The following MYO18B variants were observed in gnomAD, a reference collection of about 807,000 sequenced individuals.
The protein encoded by MYO18B is unconventional myosin-XVIIIb.
MYO18B carries 204 observed loss-of-function variants against 273.0 expected under a neutral mutation model. The ratio of observed to expected loss-of-function variants is 0.75; its 90% CI spans 0.67 to 0.84. MYO18B has a LOEUF of 0.84. MYO18B is among the 40% of genes least tolerant of loss of function. The probability of loss-of-function intolerance (pLI) is 0.00; values close to 1 mark genes in which losing one functional copy is unlikely to be tolerated. For missense variants in MYO18B, 3,212 were observed against 3,287.6 expected, an observed-to-expected ratio of 0.98 and a Z score of 0.56; for synonymous variants, 1,330 against 1,305.7, an observed-to-expected ratio of 1.02 and a Z score of -0.40.
intron 35 of MYO18B, among the ~76,000 whole-genome samples, chr22:25,947,506 A>G (rs2092727074): frequency 7.3e-6 from 1 of 136,214 alleles, no homozygotes; most frequent in Non-Finnish European, 1.6e-5. Context: ...ACACACACAC[A>G]CACACACACA....
chr22:26,033,059 G>A (rs1039887230), downstream of MYO18B, among the ~76,000 whole-genome samples: 2 of 152,102 alleles, frequency 1.3e-5, no homozygotes, highest in Non-Finnish European at 2.9e-5. Flanking sequence ...CTCCCAGCTT[G>A]GTCCACAAAC....
intron 19 of MYO18B, 84 bp from the exon 20 acceptor site, chr22:25,847,346 C>T: frequency 7.8e-7 from 1 of 1,282,574 alleles, no homozygotes; most frequent in Non-Finnish European, 1.1e-6. Flanking sequence ...TCAGGTTGGG[C>T]TTAATGAATA....
chr22:26,033,913 CTTCTTTCCTTTCT>C (rs572410041), downstream of MYO18B, among the ~76,000 whole-genome samples: 2 of 144,024 alleles, frequency 1.4e-5, no homozygotes, highest in Non-Finnish European at 3.0e-5. Flanking sequence ...CCCTTCCTTC[CTTCTTTCCTTTCT>C]TTCTTTCCTT....
chr22:25,746,830 A>T (rs1249901913), intron 1 of MYO18B, among the ~76,000 whole-genome samples: 1 of 152,240 alleles, frequency 6.6e-6, no homozygotes, highest in African/African-American at 2.4e-5. Flanking sequence ...ATAGAAAATT[A>T]GCCCTTTGAG....
At chr22:25,949,136 T>G (rs2092762625) in intron 36 of MYO18B, among the ~76,000 whole-genome samples, 1 of 152,128 alleles carries the variant, frequency 6.6e-6, no homozygotes, top group African/African-American at 2.4e-5. Context: ...GGCAAGCTTT[T>G]CAGGGGCAAG....
chr22:25,906,181 T>A (rs1323183997), intron 31 of MYO18B, among the ~76,000 whole-genome samples: 1 of 152,200 alleles, frequency 6.6e-6, no homozygotes, highest in Non-Finnish European at 1.5e-5. Context: ...GGATATTTAT[T>A]GATTATAATA....
chr22:25,823,463 C>T, intron 12 of MYO18B, 42 bp from the exon 13 acceptor site: 1 of 1,598,992 alleles, frequency 6.3e-7, no homozygotes, highest in Non-Finnish European at 8.5e-7. Flanking sequence ...CACCCCATGC[C>T]CAAGGCCTCA....
chr22:25,955,384 T>C lies in MYO18B; in HGVS notation c.6156+20T>C, dbSNP rs2092838244. Reference sequence around the variant, plus strand: ...GAGCTGGTGAGTCCTGTCCCCATCATGGGCTCTTAGCGACTGAGGGTTTGC... The same window carrying C: ...GAGCTGGTGAGTCCTGTCCCCATCACGGGCTCTTAGCGACTGAGGGTTTGC... On this transcript the variant is annotated intron_variant, in intron 39 of 43. Coordinates refer to ENST00000335473, the MANE Select transcript of MYO18B (RefSeq NM_032608.7). 3 of 1,596,650 alleles carry C rather than the reference T, an allele frequency of 1.9e-6. No homozygotes were observed. Among genetic ancestry groups the C allele is most frequent in the Non-Finnish European group, 2.6e-6 (3 of 1,169,528 alleles).
chr22:25,868,483 C>A, intron 22 of MYO18B, 98 bp downstream of exon 22: 1 of 1,033,478 alleles, frequency 9.7e-7, no homozygotes, highest in Non-Finnish European at 1.4e-6. Context: ...TATCTCTGTA[C>A]GTCTCCTTTT....
chr22:26,015,821 T>C (rs1935280949), intron 42 of MYO18B, among the ~76,000 whole-genome samples: 1 of 152,190 alleles, frequency 6.6e-6, no homozygotes, highest in Non-Finnish European at 1.5e-5. Context: ...TCTTACTTTC[T>C]ACACCTAGGG....
intron 17 of MYO18B, among the ~76,000 whole-genome samples, chr22:25,838,426 C>G (rs1217139689): frequency 6.6e-6 from 1 of 152,166 alleles, no homozygotes; most frequent in African/African-American, 2.4e-5. Context: ...TCTGGAACTA[C>G]TGACCTCAAG....
intron 12 of MYO18B, among the ~76,000 whole-genome samples, chr22:25,801,066 C>T (rs183757194): frequency 1.3e-4 from 20 of 152,286 alleles, no homozygotes; most frequent in Non-Finnish European, 2.1e-4. Context: ...ATTTCAAAGT[C>T]GTACATAAAT....
At chr22:25,826,910 A>G (rs1409630799) in intron 14 of MYO18B, among the ~76,000 whole-genome samples, 2 of 151,986 alleles carry the variant, frequency 1.3e-5, no homozygotes, top group African/African-American at 4.8e-5. Context: ...AAATTACAAA[A>G]ATTAGCTGGG....
chr22:25,789,646 A>AAT (rs2145712178), intron 11 of MYO18B, among the ~76,000 whole-genome samples: 1 of 151,486 alleles, frequency 6.6e-6, no homozygotes, highest in African/African-American at 2.4e-5. Flanking sequence ...GAAAAAAAAA[A>AAT]TAACGAAATT....
chr22:25,760,426 A>C (rs1294023370), intron 1 of MYO18B, among the ~76,000 whole-genome samples: 7 of 149,830 alleles, frequency 4.7e-5, no homozygotes, highest in Non-Finnish European at 8.9e-5. Context: ...AAAAAAAAAA[A>C]AAAAAAAACA....
chr22:25,900,332 A>G (rs2091907615), intron 29 of MYO18B: 1 of 152,244 alleles, frequency 6.6e-6, no homozygotes, highest in Admixed American at 6.5e-5. Context: ...CAGAATGACT[A>G]TGGTGAAGGG....
Position 25,868,343 on chromosome 22 carries a change from C to G in MYO18B, c.3909C>G (p.Thr1303=), listed in dbSNP as rs1374673171. The change falls in exon 22 of 44, where the codon ACC becomes ACG. Residue 1303 remains threonine, a synonymous_variant. Coordinates refer to ENST00000335473, the MANE Select transcript of MYO18B (RefSeq NM_032608.7). ...AGGCCGTGGAGGAGCTCCTGGAGAC[C>G]CTGGATCTGGAAAAGAAGGCGGTGG... The part of the protein sequence containing the change: ...ERKAVEELLE[T]LDLEKKAVAV... 2 of 1,604,434 alleles carry G rather than the reference C, an allele frequency of 1.2e-6. No homozygotes were observed. Among genetic ancestry groups the G allele is most frequent in the Admixed American group, 3.4e-5 (2 of 58,790 alleles).
intron 12 of MYO18B, among the ~76,000 whole-genome samples, chr22:25,812,813 G>A (rs1463592827): frequency 6.6e-6 from 1 of 152,208 alleles, no homozygotes; most frequent in Non-Finnish European, 1.5e-5. Flanking sequence ...GCCGCTCTTT[G>A]AACAGGGCAG....
At chr22:26,003,027 T>C (rs1486324489) in intron 40 of MYO18B, among the ~76,000 whole-genome samples, 4 of 150,918 alleles carry the variant, frequency 2.7e-5, no homozygotes, top group African/African-American at 9.8e-5. Flanking sequence ...CCAGGAACCA[T>C]GCTGAGATCT....
Sources: allele counts gnomAD v4.1 joint callset (sites outside exome capture counted in the v4.1 genomes callset), GRCh38; gene constraint gnomAD v4.1.1; transcripts MANE v1.5; gene names NCBI Gene and HGNC (gene_info 2026-07-23, HGNC 2026-07-21).